Variants in ZNF675 observed in about 807,000 individuals in gnomAD.
ZNF675 encodes TRAF6 inhibitory zinc finger.
In ZNF675, 36 loss-of-function variants were observed where a neutral mutation model predicts 56.1. The ratio of observed to expected loss-of-function variants is 0.64; its 90% CI spans 0.49 to 0.85. ZNF675 has a LOEUF of 0.85. ZNF675 is among the 40% of genes least tolerant of loss of function. The pLI, the probability that ZNF675 is intolerant of heterozygous loss-of-function variation, is 0.00. For missense variants in ZNF675, 663 were observed against 654.2 expected, an observed-to-expected ratio of 1.01 and a Z score of -0.15; for synonymous variants, 200 against 218.9, an observed-to-expected ratio of 0.91 and a Z score of 0.76.
intron 1 of ZNF675, among the ~76,000 whole-genome samples, chr19:23,683,943 T>G (rs1188949494): frequency 1.3e-5 from 2 of 152,090 alleles, no homozygotes; most frequent in Non-Finnish European, 1.5e-5. Context: ...ATGCTACTAA[T>G]AAAATGCAAT....
chr19:23,661,007 G>A (rs949325909), intron 3 of ZNF675, among the ~76,000 whole-genome samples: 1 of 149,098 alleles, frequency 6.7e-6, no homozygotes, highest in Non-Finnish European at 1.5e-5. Flanking sequence ...TTGGCTCACT[G>A]TAACCTCCAC....
At chr19:23,676,690 G>A (rs1272347368) in intron 1 of ZNF675, among the ~76,000 whole-genome samples, 1 of 151,830 alleles carries the variant, frequency 6.6e-6, no homozygotes, top group Non-Finnish European at 1.5e-5. Context: ...ACTAGGCATT[G>A]AAGGTACATA....
At chr19:23,654,789 T>C in intron 3 of ZNF675, 83 bp from the exon 4 acceptor site, 1 of 1,179,952 alleles carries the variant, frequency 8.5e-7, no homozygotes, top group Non-Finnish European at 1.1e-6. Context: ...TTACACAAAC[T>C]ACATAAGCAA....
chr19:23,663,131 T>C lies in ZNF675; in HGVS notation c.31A>G (p.Ile11Val). The change falls in exon 2 of 4, where the codon ATA (isoleucine) becomes GTA (valine). Residue 11 changes from isoleucine (I) to valine (V), a missense_variant. By Grantham distance (29) the Ile-to-Val change is conservative (BLOSUM62 3). Coordinates refer to ENST00000359788, the MANE Select transcript of ZNF675 (RefSeq NM_138330.3). The stretch of plus-strand genomic sequence containing the variant: ...TGCCATTCTTCCAGAGAGAATTCTA[T>C]GGCCACATCCCTAAATGTCAACAGT... MGLLTFRDVA[I>V]EFSLEEWQCL... is the part of the protein sequence containing the mutation. 6.2e-7 allele frequency: 1 copy of C among 1,610,528 alleles called. No homozygotes were observed. Among genetic ancestry groups the C allele is most frequent in the Non-Finnish European group, 8.5e-7 (1 of 1,178,462 alleles).
intron 1 of ZNF675, among the ~76,000 whole-genome samples, chr19:23,670,381 T>C (rs904349228): frequency 2.6e-5 from 4 of 152,150 alleles, no homozygotes; most frequent in African/African-American, 9.7e-5. Flanking sequence ...AAATCTCCTA[T>C]GTACAGCCCT....
chr19:23,654,576 C>T lies in ZNF675; in HGVS notation c.357G>A (p.Val119=), dbSNP rs1967957521. ...DNFQLKGCKS[V]DECKLHKGGY... is the part of the protein sequence containing the mutation. ...CTCCCTTGTGCAACTTACATTCATC[C>T]ACACTTTTACAGCCTTTTAACTGAA... Residue 119 remains valine (V), a synonymous_variant, in exon 4 of 4, where the codon GTG becomes GTA. Transcript: ENST00000359788. The T allele has an allele frequency of 6.2e-7, 1 of 1,612,188 alleles. No homozygotes were observed. Among genetic ancestry groups the T allele is most frequent in the African/African-American group, 1.3e-5 (1 of 74,966 alleles).
At chr19:23,685,992 TC>T (rs2144804038) in intron 1 of ZNF675, among the ~76,000 whole-genome samples, 1 of 152,242 alleles carries the variant, frequency 6.6e-6, no homozygotes, top group South Asian at 2.1e-4. Flanking sequence ...TTTTAAAAAC[TC>T]TAACTCAAAT....
intron 1 of ZNF675, among the ~76,000 whole-genome samples, chr19:23,677,745 C>T (rs1968318296): frequency 6.7e-6 from 1 of 149,384 alleles, no homozygotes; most frequent in Admixed American, 6.7e-5. Flanking sequence ...TTGCAGTTGC[C>T]ACAAAAACGA....
Position 23,663,936 on chromosome 19 carries a change from A to G in ZNF675, c.4-778T>C, listed in dbSNP as rs77074214. Among the ~76,000 whole-genome samples the G allele has an allele frequency of 6.1e-3, 931 of 152,350 alleles. 9 individuals are homozygous for G. Among genetic ancestry groups the G allele is most frequent in the African/African-American group, 0.022 (895 of 41,570 alleles). On this transcript the variant is annotated intron_variant, in intron 1 of 3. Transcript: ENST00000359788. Reference sequence around the variant, plus strand: ...CTTTGCATGTTCAATAGCCACAGGTAACATTTTTAATATTGCAGATTATAA... The same window carrying G: ...CTTTGCATGTTCAATAGCCACAGGTGACATTTTTAATATTGCAGATTATAA...
intron 1 of ZNF675, among the ~76,000 whole-genome samples, chr19:23,685,261 C>T (rs1381863582): frequency 3.3e-5 from 5 of 152,014 alleles, no homozygotes; most frequent in Admixed American, 3.3e-4. Flanking sequence ...ACCGTGCACG[C>T]AAGGGTTAGT....
At chr19:23,656,653 C>CACACAATGGATT (rs1555706080) in intron 3 of ZNF675, 3 of 151,552 alleles carry the variant, frequency 2.0e-5, no homozygotes, top group African/African-American at 7.3e-5. Context: ...CACACACACA[C>CACACAATGGATT]AATGGATTAT....
chr19:23,670,291 C>G (rs1283142407), intron 1 of ZNF675, among the ~76,000 whole-genome samples: 1 of 152,130 alleles, frequency 6.6e-6, no homozygotes, highest in Non-Finnish European at 1.5e-5. Flanking sequence ...GTTCAGAACA[C>G]TGGGCAGTCA....
intron 3 of ZNF675, among the ~76,000 whole-genome samples, chr19:23,659,452 TGAAA>T (rs1968047171): frequency 6.6e-6 from 1 of 152,128 alleles, no homozygotes. Context: ...ACACCTGTAA[TGAAA>T]GATACATGAT....
At chr19:23,682,314 G>T (rs1283727112) in intron 1 of ZNF675, among the ~76,000 whole-genome samples, 3 of 151,432 alleles carry the variant, frequency 2.0e-5, no homozygotes, top group African/African-American at 7.3e-5. Flanking sequence ...TTCTAATCTT[G>T]TTTTCTCCCC....
At chr19:23,672,801 A>C (rs1277371827) in intron 1 of ZNF675, among the ~76,000 whole-genome samples, 1 of 152,166 alleles carries the variant, frequency 6.6e-6, no homozygotes, top group Non-Finnish European at 1.5e-5. Context: ...GAAAGCAAAG[A>C]CTCAAGTTGC....
chr19:23,663,225 T>C lies in ZNF675; in HGVS notation c.4-67A>G, dbSNP rs981552427. On this transcript the variant is annotated intron_variant, in intron 1 of 3. Coordinates refer to ENST00000359788, the MANE Select transcript of ZNF675 (RefSeq NM_138330.3). ...ACAGAGATTATAATTTGACTCAAGGTAAAATGAGAGACTAAAGAGAACAGG... is the reference window on the plus strand; with the variant it reads ...ACAGAGATTATAATTTGACTCAAGGCAAAATGAGAGACTAAAGAGAACAGG... The C allele has an allele frequency of 1.7e-5, 27 of 1,550,382 alleles. 1 individual carries two copies. The Middle Eastern group carries it at 2.6e-3, about 148-fold the overall frequency.
rs760539935 is a variant in ZNF675, at chr19:23,653,893, T to C, written c.1040A>G (p.Lys347Arg). 8.1e-6 allele frequency: 13 copies of C among 1,613,366 alleles called. No homozygotes were observed. In the Admixed American group the frequency reaches 2.0e-4, roughly 25 times the overall value. ...EKPYKCEECG[K>R]AFNRSSKLTE... ...AAGTTTTGAGGATCGGTTAAAAGCTTTTCCACATTCTTCACATTTGTAGGG... is the reference window on the plus strand; with the variant it reads ...AAGTTTTGAGGATCGGTTAAAAGCTCTTCCACATTCTTCACATTTGTAGGG... The change falls in exon 4 of 4, where the codon AAA becomes AGA. Residue 347 changes from lysine (K) to arginine (R), a missense_variant. By Grantham distance (26) the Lys-to-Arg change is conservative. Coordinates refer to ENST00000359788, the MANE Select transcript of ZNF675 (RefSeq NM_138330.3).
At chr19:23,685,334 G>A (rs1294046442) in intron 1 of ZNF675, among the ~76,000 whole-genome samples, 2 of 152,186 alleles carry the variant, frequency 1.3e-5, no homozygotes, top group Admixed American at 6.5e-5. Context: ...TGTTTCCATT[G>A]AGAGGCTACA....
chr19:23,678,353 G>A (rs1423534185), intron 1 of ZNF675, among the ~76,000 whole-genome samples: 1 of 150,442 alleles, frequency 6.6e-6, no homozygotes, highest in African/African-American at 2.5e-5. Context: ...CACATCCTGG[G>A]TTCAAGGCTG....
Sources: allele counts gnomAD v4.1 joint callset (sites outside exome capture counted in the v4.1 genomes callset), GRCh38; gene constraint gnomAD v4.1.1; transcripts MANE v1.5; gene names NCBI Gene and HGNC (gene_info 2026-07-23, HGNC 2026-07-21).